CSMD1: variants seen among roughly 807,000 people sequenced by gnomAD.
CSMD1 encodes CUB and Sushi multiple domains 1.
In CSMD1, 213 loss-of-function variants were observed where a neutral mutation model predicts 417.5. That is an observed-to-expected ratio of 0.51 (90% CI 0.46 to 0.57). CSMD1 has a LOEUF of 0.57. Ranked by LOEUF, CSMD1 falls within the 20% of genes least tolerant of loss-of-function variation. The probability of loss-of-function intolerance (pLI) is 0.00; values close to 1 mark genes in which losing one functional copy is unlikely to be tolerated. For missense variants in CSMD1, 6,923 were observed against 4,529.7 expected (o/e 1.53, Z -15.17); for synonymous variants, 2,862 against 1,736.8 (o/e 1.65, Z -16.11).
intron 3 of CSMD1, among the ~76,000 whole-genome samples, chr8:4,063,851 T>C (rs1799106446): frequency 6.6e-6 from 1 of 152,256 alleles, no homozygotes; most frequent in South Asian, 2.1e-4. Flanking sequence ...GAGTAGACTA[T>C]GACTTTGTCA....
intron 3 of CSMD1, among the ~76,000 whole-genome samples, chr8:4,048,055 C>A (rs1158332318): frequency 6.6e-6 from 1 of 152,126 alleles, no homozygotes; most frequent in Non-Finnish European, 1.5e-5. Context: ...AGAATTCATT[C>A]TTTTCCAAAT....
intron 1 of CSMD1, among the ~76,000 whole-genome samples, chr8:4,707,398 T>C (rs1219181303): frequency 6.6e-6 from 1 of 152,108 alleles, no homozygotes; most frequent in Non-Finnish European, 1.5e-5. Flanking sequence ...TTAATCGTGC[T>C]GGGAAACAAA....
intron 1 of CSMD1, among the ~76,000 whole-genome samples, chr8:4,692,185 TG>T (rs1377038337): frequency 1.3e-5 from 2 of 152,146 alleles, no homozygotes; most frequent in Non-Finnish European, 2.9e-5. Flanking sequence ...GCCCCTGGCC[TG>T]ACCTCACAGG....
intron 1 of CSMD1, among the ~76,000 whole-genome samples, chr8:4,811,134 G>C (rs1283181948): frequency 1.3e-5 from 2 of 152,166 alleles, no homozygotes; most frequent in African/African-American, 4.8e-5. Flanking sequence ...AAATGATCAA[G>C]TGAGAAAAAT....
At chr8:4,109,513 C>T (rs1170261667) in intron 3 of CSMD1, among the ~76,000 whole-genome samples, 1 of 152,098 alleles carries the variant, frequency 6.6e-6, no homozygotes, top group African/African-American at 2.4e-5. Context: ...AATAAGTAGA[C>T]TTATTGTCAG....
At chr8:4,027,331 C>T (rs752871054) in intron 4 of CSMD1, among the ~76,000 whole-genome samples, 49 of 152,156 alleles carry the variant, frequency 3.2e-4, no homozygotes, top group Non-Finnish European at 5.6e-4. Flanking sequence ...TATGCTTTGG[C>T]TGTGTCCTCA....
chr8:4,163,604 GT>G (rs1563208057), intron 3 of CSMD1, among the ~76,000 whole-genome samples: 2 of 152,056 alleles, frequency 1.3e-5, no homozygotes, highest in East Asian at 3.9e-4. Flanking sequence ...TAAAGTGAGT[GT>G]TTTTTCAAAA....
chr8:3,038,980 A>G (rs532930940), intron 50 of CSMD1, among the ~76,000 whole-genome samples: 36 of 152,184 alleles, frequency 2.4e-4, no homozygotes, highest in Non-Finnish European at 4.0e-4. Context: ...AAGAAATTCT[A>G]CAAGAATAGA....
chr8:4,981,898 C>A (rs1396253962), intron 1 of CSMD1, among the ~76,000 whole-genome samples: 1 of 152,160 alleles, frequency 6.6e-6, no homozygotes. Context: ...CTCTCTCTCT[C>A]CCCCAACCCC....
intron 2 of CSMD1, among the ~76,000 whole-genome samples, chr8:4,504,480 CTTTA>C (rs1271432857): frequency 1.2e-4 from 18 of 152,078 alleles, no homozygotes; most frequent in Non-Finnish European, 2.6e-4. Flanking sequence ...GTGAAGTGTT[CTTTA>C]TTTAAGTTCT....
chr8:3,851,979 T>C (rs1398049844), intron 5 of CSMD1, among the ~76,000 whole-genome samples: 2 of 152,026 alleles, frequency 1.3e-5, no homozygotes, highest in African/African-American at 2.4e-5. Flanking sequence ...GAATAATTCA[T>C]AAAACTGAGA....
intron 5 of CSMD1, among the ~76,000 whole-genome samples, chr8:3,820,384 G>A (rs149164468): frequency 6.6e-6 from 1 of 152,148 alleles, no homozygotes; most frequent in African/African-American, 2.4e-5. Flanking sequence ...GAGTACCAAA[G>A]AAGGACTAAA....
At chr8:3,506,119 G>A (rs1385259876) in intron 10 of CSMD1, among the ~76,000 whole-genome samples, 3 of 152,186 alleles carry the variant, frequency 2.0e-5, no homozygotes, top group African/African-American at 7.2e-5. Flanking sequence ...CGGAGGCCAG[G>A]TGATAGGTGC....
chr8:3,515,143 C>T (rs549506554), intron 10 of CSMD1: 6 of 152,170 alleles, frequency 3.9e-5, no homozygotes, highest in Admixed American at 6.5e-5. Context: ...TGAATACATG[C>T]GAAGGATCAA....
chr8:3,790,294 T>G (rs1799663661), intron 5 of CSMD1, among the ~76,000 whole-genome samples: 1 of 152,182 alleles, frequency 6.6e-6, no homozygotes, highest in African/African-American at 2.4e-5. Flanking sequence ...ATGAAGTAAG[T>G]CATGTGTAGC....
chr8:4,566,240 A>C (rs73184934), intron 2 of CSMD1, among the ~76,000 whole-genome samples: 13,667 of 152,178 alleles, frequency 0.09, 707 homozygotes, highest in South Asian at 0.13. Context: ...AGCTATGAAA[A>C]TTTCACTAAA....
intron 12 of CSMD1, among the ~76,000 whole-genome samples, chr8:3,424,926 C>T (rs1006899435): frequency 6.6e-6 from 1 of 152,202 alleles, no homozygotes; most frequent in African/African-American, 2.4e-5. Context: ...TCTCAGGCTC[C>T]TGGGCTCAAG....
At chr8:4,306,494 T>G (rs1269046225) in intron 3 of CSMD1, among the ~76,000 whole-genome samples, 1 of 152,150 alleles carries the variant, frequency 6.6e-6, no homozygotes, top group Non-Finnish European at 1.5e-5. Flanking sequence ...GTGTAAGATC[T>G]CATTTCTAGA....
chr8:3,828,900 G>C (rs138575327), intron 5 of CSMD1, among the ~76,000 whole-genome samples: 191 of 152,224 alleles, frequency 1.3e-3, no homozygotes, highest in Non-Finnish European at 2.2e-3. Flanking sequence ...GTTCACTGTA[G>C]TGGCCTTCAG....
Sources: allele counts gnomAD v4.1 joint callset (sites outside exome capture counted in the v4.1 genomes callset), GRCh38; gene constraint gnomAD v4.1.1; transcripts MANE v1.5; gene names NCBI Gene and HGNC (gene_info 2026-07-23, HGNC 2026-07-21).